The following ROS1 variants were observed in gnomAD, a reference collection of about 807,000 sequenced individuals.
The protein encoded by ROS1 is ROS proto-oncogene 1, receptor tyrosine kinase, also known as proto-oncogene tyrosine-protein kinase ROS.
Under a neutral mutation model 273.5 loss-of-function variants are expected in ROS1, and 263 were observed. That is an observed-to-expected ratio of 0.96 (90% CI 0.87 to 1.06). The LOEUF is 1.06. Among genes scored for constraint, ROS1 ranks in the 50% least tolerant of loss-of-function variants. ROS1 has a pLI of 0.00. For synonymous variants in ROS1, 1,008 were observed against 954.1 expected (o/e 1.06, Z -1.04); for missense variants, 2,833 against 2,751.1 (o/e 1.03, Z -0.67).
intron 43 of ROS1, among the ~76,000 whole-genome samples, chr6:117,298,669 A>C (rs1302027332): frequency 6.6e-6 from 1 of 152,232 alleles, no homozygotes; most frequent in African/African-American, 2.4e-5. Flanking sequence ...TATGACAAGG[A>C]CAACTTTCAG....
chr6:117,397,069 C>A lies in ROS1; in HGVS notation c.652G>T (p.Asp218Tyr). The change falls in exon 8 of 44, where the codon GAC becomes TAC. Residue 218 changes from aspartate to tyrosine, a missense_variant. Coordinates refer to ENST00000368507, the MANE Select transcript of ROS1 (RefSeq NM_001378902.1). The stretch of plus-strand genomic sequence containing the variant: ...GGATCCCAGCTGACTTCCACAGTGT[C>A]GGGACTTGAGCTCTCAATATTCCTA... ...LIRNIESSSP[D>Y]TVEVSWDPPQ... 1 of 1,613,866 alleles carries A rather than the reference C, an allele frequency of 6.2e-7. No individual in the cohort carries two copies. The highest frequency in any genetic ancestry group is 8.5e-7 in the Non-Finnish European group (1 of 1,179,856).
intron 1 of ROS1, among the ~76,000 whole-genome samples, chr6:117,423,915 A>G (rs1451583703): frequency 6.6e-6 from 1 of 152,158 alleles, no homozygotes; most frequent in Admixed American, 6.5e-5. Flanking sequence ...AACATGTAGT[A>G]CTTTCACTGG....
chr6:117,326,977 G>A lies in ROS1; in HGVS notation c.5349-563C>T, dbSNP rs375393796. 1.2e-4 allele frequency among the ~76,000 whole-genome samples: 18 copies of A among 152,234 alleles called. No individual in the cohort carries two copies. The East Asian group carries it at 3.1e-3, about 26-fold the overall frequency. On this transcript the variant is annotated intron_variant, in intron 33 of 43. Transcript: ENST00000368507. ...TTGTTTTTCATTTGAAACATGGAAG[G>A]AGCACAAGGGCTGGGTTCAAAAGAC...
chr6:117,389,789 A>T lies in ROS1; in HGVS notation c.1347T>A (p.Ser449=), dbSNP rs765328425. ...TACGCACAGCTTCTGCACACCGGCC[A>T]GATGGTACAGGAAGGTCTGCTCTAT... ...GIYRADLPVP[S]GRCAEAVRIV... is the part of the protein sequence containing the mutation. Residue 449 remains serine, a synonymous_variant, in exon 13 of 44, where the codon TCT becomes TCA. Transcript: ENST00000368507. 23 of 1,614,058 alleles carry T rather than the reference A, an allele frequency of 1.4e-5. No homozygotes were observed. In the South Asian group the frequency reaches 2.4e-4, roughly 17 times the overall value.
At chr6:117,372,602 C>G (rs897472151) in intron 18 of ROS1, among the ~76,000 whole-genome samples, 4 of 152,128 alleles carry the variant, frequency 2.6e-5, no homozygotes, top group Non-Finnish European at 5.9e-5. Flanking sequence ...CGTGGTCTCT[C>G]TGGCTTCAGG....
rs532610808 is a variant in ROS1, at chr6:117,327,690, T to A, written c.5349-1276A>T. 1.6e-4 allele frequency among the ~76,000 whole-genome samples: 25 copies of A among 152,246 alleles called. No homozygotes were observed. In the East Asian group the frequency reaches 4.8e-3, roughly 29 times the overall value. On this transcript the variant is annotated intron_variant, in intron 33 of 43. Coordinates refer to ENST00000368507, the MANE Select transcript of ROS1 (RefSeq NM_001378902.1). ...AACATGGTTTGTGTACTGGATTGAG[T>A]CATGTCCTCCCAAAATTCATACCCA...
At position 117,341,229 on chromosome 6, in the gene ROS1, G is replaced by T. The variant is rs769404232; in HGVS notation, c.4967C>A (p.Pro1656His). The part of the protein sequence containing the change: ...TVEMFNTPEK[P>H]YSLVPENTSL... Reference sequence around the variant, plus strand: ...AGTGTTCTCTGGAACCAAGGAATAAGGTTTCTCTGGTGTGTTAAACATTTC... The same window carrying T: ...AGTGTTCTCTGGAACCAAGGAATAATGTTTCTCTGGTGTGTTAAACATTTC... Residue 1656 changes from proline to histidine, a missense_variant, in exon 31 of 44, where the codon CCT becomes CAT. By Grantham distance (77) the Pro-to-His change is moderately conservative. Coordinates refer to ENST00000368507, the MANE Select transcript of ROS1 (RefSeq NM_001378902.1). 1 of 1,613,332 alleles carries T rather than the reference G, an allele frequency of 6.2e-7. No individual in the cohort carries two copies. The highest frequency in any genetic ancestry group is 8.5e-7 in the Non-Finnish European group (1 of 1,179,446).
chr6:117,318,742 G>A (rs78734034), intron 37 of ROS1, among the ~76,000 whole-genome samples: 3,402 of 152,132 alleles, frequency 0.022, 51 homozygotes, highest in Middle Eastern at 0.048. Flanking sequence ...CTGCTGAGGC[G>A]GGAAGGGAGC....
Position 117,356,072 on chromosome 6 carries a change from G to A in ROS1, c.4126+557C>T, listed in dbSNP as rs937753797. Among the ~76,000 whole-genome samples the A allele has an allele frequency of 7.2e-5, 11 of 152,116 alleles. No individual in the cohort carries two copies. In the East Asian group the frequency reaches 7.7e-4, roughly 11 times the overall value. ...GACTTCCAAATTGTACTCGACTTTC[G>A]AATATTTATTCTACAAGCATCTGAA... On this transcript the variant is annotated intron_variant, in intron 26 of 43. Coordinates refer to ENST00000368507, the MANE Select transcript of ROS1 (RefSeq NM_001378902.1).
chr6:117,342,696 A>G (rs1400817854), intron 28 of ROS1, 152 bp from the exon 29 acceptor site: 4 of 548,894 alleles, frequency 7.3e-6, no homozygotes, highest in South Asian at 5.4e-5. Context: ...CCACTGTCCA[A>G]TCTACCCAGA....
chr6:117,405,485 T>G (rs1774322359), intron 5 of ROS1, among the ~76,000 whole-genome samples: 1 of 152,164 alleles, frequency 6.6e-6, no homozygotes, highest in Admixed American at 6.5e-5. Flanking sequence ...TTAGGTATGC[T>G]GTGGACACCT....
At chr6:117,301,262 T>C (rs543059002) in intron 42 of ROS1, 125 bp from the exon 43 acceptor site, 1 of 761,956 alleles carries the variant, frequency 1.3e-6, no homozygotes, top group East Asian at 2.9e-5. Context: ...TTAATATAAG[T>C]GAATCAAAAC....
At chr6:117,416,361 G>A (rs1562388805) in intron 2 of ROS1, 44 bp from the exon 3 acceptor site, 1 of 1,325,136 alleles carries the variant, frequency 7.5e-7, no homozygotes, top group Non-Finnish European at 1.1e-6. Context: ...TTGAAGAAAT[G>A]TGACTTTTTC....
At chr6:117,330,335 C>T (rs1249215568) in intron 32 of ROS1, among the ~76,000 whole-genome samples, 1 of 152,196 alleles carries the variant, frequency 6.6e-6, no homozygotes, top group Non-Finnish European at 1.5e-5. Flanking sequence ...TGGGCCTGAG[C>T]CCCTAGGGGG....
intron 18 of ROS1, among the ~76,000 whole-genome samples, chr6:117,366,571 T>C (rs1369589279): frequency 6.6e-6 from 1 of 152,176 alleles, no homozygotes; most frequent in East Asian, 1.9e-4. Flanking sequence ...TGGAGTGCAG[T>C]GGCATGATCA....
At chr6:117,422,468 G>A (rs184480468) in intron 1 of ROS1, among the ~76,000 whole-genome samples, 5 of 152,048 alleles carry the variant, frequency 3.3e-5, no homozygotes, top group Non-Finnish European at 7.4e-5. Flanking sequence ...TTTCTTGATT[G>A]TATTCTGTTT....
chr6:117,341,340 C>A (rs777349125), intron 30 of ROS1, 29 bp from the exon 31 acceptor site: 1 of 1,612,334 alleles, frequency 6.2e-7, no homozygotes, highest in Non-Finnish European at 8.5e-7. Context: ...AATTGCTTAA[C>A]CTTTTGAGAG....
In ROS1 at chr6:117,310,085, C is replaced by T. The variant is rs749189360; in HGVS notation, c.6412G>A (p.Val2138Ile). The change falls in exon 41 of 44, where the codon GTA (valine) becomes ATA (isoleucine). Residue 2138 changes from valine (V) to isoleucine (I), a missense_variant. By Grantham distance (29) the Val-to-Ile change is conservative. Coordinates refer to ENST00000368507, the MANE Select transcript of ROS1 (RefSeq NM_001378902.1). ...TCTGTGTCCCGTTAAACTTACCATA[C>T]ATCAGATTGAGTAGTGAAGATTCCA... is the stretch of plus-strand genomic sequence containing the variant. ...MDGIFTTQSD[V>I]WSFGILIWEI... is the part of the protein sequence containing the mutation. 1.9e-6 allele frequency: 3 copies of T among 1,612,562 alleles called. No individual in the cohort carries two copies. The highest frequency in any genetic ancestry group is 2.2e-5 in the South Asian group (2 of 91,034).
rs938589575 is a variant in ROS1 at position 117,344,337 on chromosome 6, A to G, written c.4304-75T>C. 3.0e-6 allele frequency: 3 copies of G among 1,015,080 alleles called. No homozygotes were observed. The African/African-American group carries it at 4.9e-5, about 17-fold the overall frequency. The allele number at this position is 1,015,080 out of a possible 1,614,324, so 62.9% of individuals were successfully genotyped here. On this transcript the variant is annotated intron_variant, in intron 27 of 43. Transcript: ENST00000368507. ...GAGGAAAAGCAGATTTTTAACAAGA[A>G]TAATATCAAAGCTTAGAAAGAAATT... is the stretch of plus-strand genomic sequence containing the variant.
Sources: allele counts gnomAD v4.1 joint callset (sites outside exome capture counted in the v4.1 genomes callset), GRCh38; gene constraint gnomAD v4.1.1; transcripts MANE v1.5; gene names NCBI Gene and HGNC (gene_info 2026-07-23, HGNC 2026-07-21).